THSD4: variants seen among roughly 807,000 people sequenced by gnomAD.
THSD4 encodes the protein thrombospondin type-1 domain-containing protein 4.
Under a neutral mutation model 119.0 loss-of-function variants are expected in THSD4, and 69 were observed. The observed-to-expected ratio is 0.58, with a 90% CI of 0.48 to 0.71. The LOEUF is 0.71. THSD4 is among the 30% of genes least tolerant of loss of function. The pLI, the probability that THSD4 is intolerant of heterozygous loss-of-function variation, is 0.00. For missense variants in THSD4, 1,393 were observed against 1,391.1 expected (o/e 1.00, Z -0.02); for synonymous variants, 524 against 540.4 (o/e 0.97, Z 0.42).
chr15:71,573,035 G>A (rs932484804), intron 7 of THSD4, among the ~76,000 whole-genome samples: 1 of 152,158 alleles, frequency 6.6e-6, no homozygotes, highest in Non-Finnish European at 1.5e-5. Flanking sequence ...CAAAGACTTC[G>A]TGAGGCTGCT....
chr15:71,711,607 CAGATT>C (rs776727163), intron 8 of THSD4, among the ~76,000 whole-genome samples: 1 of 151,912 alleles, frequency 6.6e-6, no homozygotes, highest in African/African-American at 2.4e-5. Flanking sequence ...TACAGATGGT[CAGATT>C]AGATTGAAAA....
chr15:71,140,110 AT>A (rs2040588766), intron 1 of THSD4, among the ~76,000 whole-genome samples: 1 of 152,248 alleles, frequency 6.6e-6, no homozygotes, highest in African/African-American at 2.4e-5. Context: ...GTGACAACGT[AT>A]TTTAAGTGTT....
intron 7 of THSD4, among the ~76,000 whole-genome samples, chr15:71,613,458 G>A (rs778915391): frequency 6.6e-6 from 1 of 152,110 alleles, no homozygotes; most frequent in Non-Finnish European, 1.5e-5. Context: ...ATAGGAGGAG[G>A]ATGTATGGGT....
intron 7 of THSD4, among the ~76,000 whole-genome samples, chr15:71,519,161 G>A (rs991680260): frequency 2.0e-5 from 3 of 152,022 alleles, no homozygotes; most frequent in Non-Finnish European, 4.4e-5. Context: ...GGGGGCAGAG[G>A]AAACAGCAAG....
intron 7 of THSD4, among the ~76,000 whole-genome samples, chr15:71,588,365 G>A (rs949174774): frequency 6.6e-6 from 1 of 151,358 alleles, no homozygotes; most frequent in African/African-American, 2.4e-5. Context: ...TGAAGATTAG[G>A]AGGAAATATC....
chr15:71,299,974 AAAAT>A (rs1158430647), intron 6 of THSD4, among the ~76,000 whole-genome samples: 1,499 of 36,490 alleles, frequency 0.041, 27 homozygotes, highest in African/African-American at 0.12. Flanking sequence ...AAAAAAAAAA[AAAAT>A]ATATATATAT....
intron 17 of THSD4, among the ~76,000 whole-genome samples, chr15:71,776,562 C>T (rs2053916033): frequency 6.6e-6 from 1 of 152,128 alleles, no homozygotes; most frequent in African/African-American, 2.4e-5. Context: ...CTGACAGGAA[C>T]ATAAACAGTT....
At chr15:71,245,244 C>G (rs1199212667) in intron 5 of THSD4, among the ~76,000 whole-genome samples, 1 of 152,170 alleles carries the variant, frequency 6.6e-6, no homozygotes, top group East Asian at 1.9e-4. Flanking sequence ...TGCACAGTGT[C>G]CTCCCCAGTG....
intron 4 of THSD4, 29 bp from the exon 5 acceptor site, chr15:71,242,620 C>T: frequency 1.9e-6 from 3 of 1,599,088 alleles, no homozygotes; most frequent in Non-Finnish European, 2.6e-6. Flanking sequence ...CGACTCTGAT[C>T]ATCTCCTCTC....
chr15:71,576,596 C>T (rs1373852285), intron 7 of THSD4, among the ~76,000 whole-genome samples: 1 of 152,156 alleles, frequency 6.6e-6, no homozygotes, highest in Non-Finnish European at 1.5e-5. Context: ...GTACATAGTA[C>T]ATACTATGAA....
chr15:71,771,589 G>T (rs1344163824), intron 17 of THSD4, among the ~76,000 whole-genome samples: 1 of 152,198 alleles, frequency 6.6e-6, no homozygotes. Context: ...TGGCAGAGAA[G>T]GGAGGAAGGG....
At chr15:71,402,590 G>C (rs1238104260) in intron 6 of THSD4, among the ~76,000 whole-genome samples, 1 of 152,198 alleles carries the variant, frequency 6.6e-6, no homozygotes, top group East Asian at 1.9e-4. Flanking sequence ...TCTGAGCAGG[G>C]AGAGCCCTGA....
At chr15:71,172,333 ATAAT>A (rs1185530019) in intron 3 of THSD4, among the ~76,000 whole-genome samples, 1 of 152,044 alleles carries the variant, frequency 6.6e-6, no homozygotes, top group African/African-American at 2.4e-5. Flanking sequence ...TCAAAAAAAA[ATAAT>A]TATAAATTCA....
chr15:71,210,485 G>A (rs1049630059), intron 3 of THSD4, among the ~76,000 whole-genome samples: 2 of 152,104 alleles, frequency 1.3e-5, no homozygotes, highest in Non-Finnish European at 2.9e-5. Flanking sequence ...TGGGTGATGA[G>A]GACACACTGC....
chr15:71,465,689 C>T (rs909693007), intron 7 of THSD4, among the ~76,000 whole-genome samples: 6 of 152,216 alleles, frequency 3.9e-5, no homozygotes, highest in Non-Finnish European at 8.8e-5. Context: ...TTCATCTCCC[C>T]TGTTGGGAAA....
At chr15:71,710,357 C>G (rs1475106892) in intron 8 of THSD4, among the ~76,000 whole-genome samples, 1 of 152,134 alleles carries the variant, frequency 6.6e-6, no homozygotes, top group Non-Finnish European at 1.5e-5. Context: ...AGGATTTCCA[C>G]AGAAATTATT....
In THSD4 at chr15:71,585,854, G is replaced by A. The variant is rs375846945; in HGVS notation, c.1153-74676G>A. On this transcript the variant is annotated intron_variant, in intron 7 of 17. Transcript: ENST00000261862. ...TGAGCTTACCAATTCTTTCTTCTGC[G>A]TGATTGAGTCTGTTGTTGAAGCACT... 7.9e-5 allele frequency among the ~76,000 whole-genome samples: 12 copies of A among 152,050 alleles called. No individual in the cohort carries two copies. The South Asian group carries it at 8.3e-4, about 11-fold the overall frequency.
rs1372933201 is a variant in THSD4, at chr15:71,672,666, G to A, written c.1357+11932G>A. Reference sequence around the variant, plus strand: ...TATTATTTTGAGATACATTCCATCAGTACCTAGTTTATTGAGAGTTTTTAG... The same window carrying A: ...TATTATTTTGAGATACATTCCATCAATACCTAGTTTATTGAGAGTTTTTAG... On this transcript the variant is annotated intron_variant, in intron 8 of 17. Transcript: ENST00000261862. 7.2e-5 allele frequency among the ~76,000 whole-genome samples: 11 copies of A among 152,152 alleles called. No homozygotes were observed. The South Asian group carries it at 1.0e-3, about 14-fold the overall frequency.
At chr15:71,585,450 T>C (rs1488322417) in intron 7 of THSD4, among the ~76,000 whole-genome samples, 2 of 152,208 alleles carry the variant, frequency 1.3e-5, no homozygotes, top group Admixed American at 6.5e-5. Flanking sequence ...ACTTATAATC[T>C]CATGGAGTTT....
Sources: gnomAD v4.1 joint callset for allele counts (sites outside exome capture counted in the v4.1 genomes callset) on GRCh38, gnomAD v4.1.1 for gene constraint, MANE v1.5 for transcripts, NCBI Gene and HGNC (gene_info 2026-07-23, HGNC 2026-07-21) for gene names.